Variants in EXOC4 observed in about 807,000 individuals in gnomAD.
The protein encoded by EXOC4 is SEC8-like 1.
A neutral mutation model predicts 107.2 loss-of-function variants in EXOC4; 71 were observed. That is an observed-to-expected ratio of 0.66 (90% CI 0.55 to 0.81). The LOEUF (loss-of-function observed/expected upper bound fraction) is 0.81, where lower values mean the gene tolerates loss of function less well. Among genes scored for constraint, EXOC4 ranks in the 30% least tolerant of loss-of-function variants. The pLI is 0.00. For missense variants in EXOC4, 1,108 were observed against 1,189.6 expected, an observed-to-expected ratio of 0.93 and a Z score of 1.01; for synonymous variants, 456 against 441.2, an observed-to-expected ratio of 1.03 and a Z score of -0.42.
intron 7 of EXOC4, among the ~76,000 whole-genome samples, chr7:133,472,791 G>C (rs527280234): frequency 6.6e-6 from 1 of 152,190 alleles, no homozygotes; most frequent in South Asian, 2.1e-4. Flanking sequence ...AGGAGAAGTG[G>C]GTGGATAGGA....
intron 10 of EXOC4, among the ~76,000 whole-genome samples, chr7:133,794,972 G>A (rs932456276): frequency 6.7e-6 from 1 of 149,188 alleles, no homozygotes; most frequent in Admixed American, 6.7e-5. Context: ...GCCCCGGTGT[G>A]TGATGTTCCC....
At position 133,364,836 on chromosome 7, in the gene EXOC4, GA is replaced by G. The variant is rs1796216054; in HGVS notation, c.1007+8266del. On this transcript the variant is annotated intron_variant, in intron 6 of 17. Coordinates refer to ENST00000253861, the MANE Select transcript of EXOC4 (RefSeq NM_021807.4). ...ATTATTAATCCCAGATTTACCCAGA[GA>G]AATGTGAAAGCTGAAATAATTTGAC... 2.0e-5 allele frequency among the ~76,000 whole-genome samples: 3 copies of G among 152,308 alleles called. No homozygotes were observed. In the South Asian group the frequency reaches 6.2e-4, roughly 32 times the overall value.
chr7:133,336,694 A>T (rs13310339), intron 5 of EXOC4, among the ~76,000 whole-genome samples: 1 of 106,208 alleles, frequency 9.4e-6, no homozygotes, highest in African/African-American at 3.2e-5. Flanking sequence ...TATTTTATTT[A>T]TTTTATTTTA....
At chr7:133,360,867 A>G (rs1171804577) in intron 6 of EXOC4, among the ~76,000 whole-genome samples, 1 of 152,234 alleles carries the variant, frequency 6.6e-6, no homozygotes, top group African/African-American at 2.4e-5. Context: ...CTAAATTTTA[A>G]TATTGAAAAA....
At chr7:133,562,419 G>A (rs558060543) in intron 9 of EXOC4, among the ~76,000 whole-genome samples, 4 of 152,196 alleles carry the variant, frequency 2.6e-5, no homozygotes, top group South Asian at 2.1e-4. Flanking sequence ...TGACCTTGCC[G>A]CCTTTTGCTT....
At chr7:134,062,222 G>A (rs1222498391) in intron 17 of EXOC4, among the ~76,000 whole-genome samples, 1 of 152,148 alleles carries the variant, frequency 6.6e-6, no homozygotes, top group Non-Finnish European at 1.5e-5. Flanking sequence ...ACTATTTAGA[G>A]TATATTCACA....
intron 10 of EXOC4, among the ~76,000 whole-genome samples, chr7:133,748,795 A>G (rs1795730035): frequency 6.6e-6 from 1 of 152,198 alleles, no homozygotes; most frequent in Non-Finnish European, 1.5e-5. Context: ...CTCTCTCACT[A>G]GCATAAACCA....
the EXOC4 span, among the ~76,000 whole-genome samples, chr7:134,095,496 A>G: frequency 6.6e-6 from 1 of 152,208 alleles, no homozygotes; most frequent in African/African-American, 2.4e-5. Context: ...GAACCATAAA[A>G]GAGCCCAAGT....
At chr7:133,895,499 G>A in intron 11 of EXOC4, 100 bp from the exon 12 acceptor site, 2 of 1,225,622 alleles carry the variant, frequency 1.6e-6, no homozygotes, top group Non-Finnish European at 2.3e-6. Flanking sequence ...TTGCAGGAGA[G>A]CTCAGGTACC....
At chr7:133,435,796 T>G (rs143282175) in intron 7 of EXOC4, among the ~76,000 whole-genome samples, 2 of 152,212 alleles carry the variant, frequency 1.3e-5, no homozygotes. Flanking sequence ...TATCTAGTGA[T>G]CTGTTAATTT....
At chr7:133,783,027 G>T (rs1020902726) in intron 10 of EXOC4, among the ~76,000 whole-genome samples, 1 of 152,074 alleles carries the variant, frequency 6.6e-6, no homozygotes, top group African/African-American at 2.4e-5. Context: ...ACTTAACATC[G>T]CCGTGCCTCA....
chr7:133,399,095 GTTA>G (rs1237018566), intron 7 of EXOC4, among the ~76,000 whole-genome samples: 5 of 152,054 alleles, frequency 3.3e-5, no homozygotes, highest in Admixed American at 6.6e-5. Context: ...TCAGTTTATA[GTTA>G]TTATTTTTAT....
chr7:133,622,455 G>A (rs1316511318), intron 9 of EXOC4, among the ~76,000 whole-genome samples: 1 of 152,094 alleles, frequency 6.6e-6, no homozygotes, highest in Non-Finnish European at 1.5e-5. Flanking sequence ...GTGAGGATGG[G>A]ATAAGTATCA....
At chr7:133,654,851 G>A (rs1803250065) in intron 10 of EXOC4, among the ~76,000 whole-genome samples, 1 of 152,106 alleles carries the variant, frequency 6.6e-6, no homozygotes, top group South Asian at 2.1e-4. Context: ...GCAGGTTACT[G>A]TTCTGAACAT....
At chr7:133,495,037 C>T (rs1434130824) in intron 9 of EXOC4, among the ~76,000 whole-genome samples, 2 of 151,954 alleles carry the variant, frequency 1.3e-5, no homozygotes, top group East Asian at 1.9e-4. Flanking sequence ...AGTGGGAGGC[C>T]GAGCTGGGCA....
Position 133,374,985 on chromosome 7 carries a change from A to G in EXOC4, c.1165A>G (p.Ile389Val), listed in dbSNP as rs369040208. 1.7e-5 allele frequency: 27 copies of G among 1,613,566 alleles called. No homozygotes were observed. The highest frequency in any genetic ancestry group is 2.3e-5 in the Non-Finnish European group (27 of 1,179,914). ...LYDMADVWVK[I>V]QDVLQMLLTE... is the part of the protein sequence containing the mutation. ...TGATATGGCAGATGTATGGGTGAAG[A>G]TCCAAGATGTTCTACAGGTAAGAGC... Residue 389 changes from isoleucine (I) to valine (V), a missense_variant, in exon 7 of 18, where the codon ATC becomes GTC. Ile to Val is a conservative substitution (Grantham distance 29). Transcript: ENST00000253861.
At chr7:133,807,427 A>G (rs1322570123) in intron 10 of EXOC4, among the ~76,000 whole-genome samples, 1 of 152,210 alleles carries the variant, frequency 6.6e-6, no homozygotes, top group Non-Finnish European at 1.5e-5. Context: ...AAAATTTGCC[A>G]GATTCTCCTG....
At chr7:133,391,299 G>C (rs964947079) in intron 7 of EXOC4, among the ~76,000 whole-genome samples, 1 of 152,208 alleles carries the variant, frequency 6.6e-6, no homozygotes, top group African/African-American at 2.4e-5. Context: ...AGCTCAGCAC[G>C]AATTAGCCAG....
chr7:133,397,287 C>T (rs1037163109), intron 7 of EXOC4, among the ~76,000 whole-genome samples: 10 of 31,202 alleles, frequency 3.2e-4, no homozygotes, highest in African/African-American at 8.2e-4. Context: ...CCACACCCAG[C>T]CAAATTTTTT....
Sources: allele counts gnomAD v4.1 joint callset (sites outside exome capture counted in the v4.1 genomes callset), GRCh38; gene constraint gnomAD v4.1.1; transcripts MANE v1.5; gene names NCBI Gene and HGNC (gene_info 2026-07-23, HGNC 2026-07-21).